DOCK5: variants seen among roughly 807,000 people sequenced by gnomAD.
The protein encoded by DOCK5 is dedicator of cytokinesis 5.
DOCK5 carries 142 observed loss-of-function variants against 251.8 expected under a neutral mutation model. That is an observed-to-expected ratio of 0.56 (90% CI 0.49 to 0.65). DOCK5 has a LOEUF of 0.65. Ranked by LOEUF, DOCK5 falls within the 30% of genes least tolerant of loss-of-function variation. The pLI, the probability that DOCK5 is intolerant of heterozygous loss-of-function variation, is 0.00. For missense variants in DOCK5, 2,111 were observed against 2,312.3 expected (o/e 0.91, Z 1.79); for synonymous variants, 842 against 835.5 (o/e 1.01, Z -0.13).
At chr8:25,361,553 G>T (rs529668830) in intron 28 of DOCK5, among the ~76,000 whole-genome samples, 2 of 152,196 alleles carry the variant, frequency 1.3e-5, no homozygotes, top group Non-Finnish European at 2.9e-5. Flanking sequence ...GGTGGAGGTT[G>T]CAGTAAGTCG....
chr8:25,332,962 G>A (rs1390198132), intron 20 of DOCK5, among the ~76,000 whole-genome samples: 1 of 152,086 alleles, frequency 6.6e-6, no homozygotes, highest in African/African-American at 2.4e-5. Context: ...TAGAAATCAG[G>A]AATCATTTTA....
rs149127621 is a variant in DOCK5 at position 25,409,070 on chromosome 8, C to T, written c.5404+130C>T. ...TGTAAAACTGGTTCAATTTCGTGTTCGTGTATTATACAGTTAGACTGGAGT... is the reference window on the plus strand; with the variant it reads ...TGTAAAACTGGTTCAATTTCGTGTTTGTGTATTATACAGTTAGACTGGAGT... On this transcript the variant is annotated intron_variant, in intron 50 of 51. Coordinates refer to ENST00000276440, the MANE Select transcript of DOCK5 (RefSeq NM_024940.8). 1,024 of 1,351,174 alleles carry T rather than the reference C, an allele frequency of 7.6e-4. 16 individuals carry two copies. In the East Asian group the frequency reaches 0.022, roughly 29 times the overall value. 83.7% of individuals were successfully genotyped at this position (1,351,174 alleles called of 1,614,324 possible). A position where few individuals can be genotyped will look rare whatever the true frequency, so the allele number is the denominator to read the frequency against.
intron 1 of DOCK5, among the ~76,000 whole-genome samples, chr8:25,206,810 A>G (rs1295405919): frequency 6.6e-6 from 1 of 152,242 alleles, no homozygotes; most frequent in Admixed American, 6.5e-5. Flanking sequence ...ATGTTTTGCC[A>G]CAGGGGCAAA....
At chr8:25,303,794 T>C (rs543099638) in intron 10 of DOCK5, among the ~76,000 whole-genome samples, 1 of 152,214 alleles carries the variant, frequency 6.6e-6, no homozygotes, top group Admixed American at 6.5e-5. Flanking sequence ...AAACTCTGTC[T>C]ATACTAAAAA....
At chr8:25,244,021 G>T (rs1014684424) in intron 2 of DOCK5, among the ~76,000 whole-genome samples, 2 of 152,140 alleles carry the variant, frequency 1.3e-5, no homozygotes, top group Non-Finnish European at 2.9e-5. Flanking sequence ...AGGCCACTTG[G>T]GCACAGAAGG....
At chr8:25,345,954 A>G (rs1198608994) in intron 26 of DOCK5, among the ~76,000 whole-genome samples, 1 of 151,872 alleles carries the variant, frequency 6.6e-6, no homozygotes, top group East Asian at 1.9e-4. Context: ...GGTTCACGCC[A>G]TTCTCCTGTC....
chr8:25,407,818 C>T (rs564420166), intron 48 of DOCK5, among the ~76,000 whole-genome samples, 165 bp from the exon 49 acceptor site: 84 of 146,772 alleles, frequency 5.7e-4, no homozygotes, highest in Non-Finnish European at 1.2e-3. Flanking sequence ...GAGATGTGAT[C>T]GCACCACTGC....
chr8:25,318,063 CTT>C (rs953260113), intron 14 of DOCK5, among the ~76,000 whole-genome samples: 2 of 150,582 alleles, frequency 1.3e-5, no homozygotes, highest in Non-Finnish European at 2.9e-5. Flanking sequence ...GCAGCTTTTT[CTT>C]TTCTTTTCTT....
chr8:25,397,502 G>T (rs1187071103), intron 45 of DOCK5, among the ~76,000 whole-genome samples: 4 of 152,134 alleles, frequency 2.6e-5, no homozygotes, highest in African/African-American at 9.7e-5. Flanking sequence ...ATTATACTCA[G>T]CAGCTGGGAA....
intron 28 of DOCK5, among the ~76,000 whole-genome samples, chr8:25,360,600 C>G (rs1800659874): frequency 6.6e-6 from 1 of 152,170 alleles, no homozygotes; most frequent in African/African-American, 2.4e-5. Flanking sequence ...GAACTTCAGT[C>G]TCCTCATCTG....
intron 5 of DOCK5, among the ~76,000 whole-genome samples, chr8:25,287,361 G>C (rs2874388): frequency 0.18 from 28,068 of 151,892 alleles, 2,977 homozygotes; most frequent in African/African-American, 0.27. Flanking sequence ...AGGAGGTGGA[G>C]GTTGCTGTGA....
At chr8:25,220,807 T>G (rs1802366834) in intron 1 of DOCK5, among the ~76,000 whole-genome samples, 1 of 152,222 alleles carries the variant, frequency 6.6e-6, no homozygotes, top group Non-Finnish European at 1.5e-5. Context: ...TTTCACCATG[T>G]TGGCCAGGCT....
At chr8:25,236,527 A>G (rs779663357) in intron 1 of DOCK5, among the ~76,000 whole-genome samples, 3 of 152,196 alleles carry the variant, frequency 2.0e-5, no homozygotes, top group African/African-American at 4.8e-5. Context: ...TATAGAATGC[A>G]TATCTGAAAC....
chr8:25,291,872 C>CAAAA (rs5890217), intron 5 of DOCK5, among the ~76,000 whole-genome samples, 152 bp from the exon 6 acceptor site: 2 of 114,440 alleles, frequency 1.7e-5, no homozygotes, highest in African/African-American at 6.9e-5. Flanking sequence ...GACTCCATCA[C>CAAAA]AAAAAAAAAA....
intron 29 of DOCK5, among the ~76,000 whole-genome samples, chr8:25,363,362 C>T (rs973646623): frequency 6.6e-6 from 1 of 152,170 alleles, no homozygotes; most frequent in Non-Finnish European, 1.5e-5. Context: ...TCTCTAGCGT[C>T]GTCTCTTCAG....
intron 14 of DOCK5, among the ~76,000 whole-genome samples, 187 bp from the exon 15 acceptor site, chr8:25,319,391 C>A (rs1287171561): frequency 2.0e-5 from 3 of 151,940 alleles, no homozygotes; most frequent in African/African-American, 4.8e-5. Flanking sequence ...TATTATAGAC[C>A]CTTGAATAAA....
intron 4 of DOCK5, among the ~76,000 whole-genome samples, chr8:25,277,952 G>A (rs1327710218): frequency 6.6e-6 from 1 of 152,114 alleles, no homozygotes; most frequent in African/African-American, 2.4e-5. Flanking sequence ...TCATAAAAAT[G>A]CCAGAGAGGA....
rs115625226 is a variant in DOCK5, at chr8:25,220,026, T to C, written c.44-23648T>C. ...TTCTTCTTCTTTTTTTTTTGTCTAT[T>C]GTCCTTCTCTTTGTTTCACAGACAT... On this transcript the variant is annotated intron_variant, in intron 1 of 51. Coordinates refer to ENST00000276440, the MANE Select transcript of DOCK5 (RefSeq NM_024940.8). Among the ~76,000 whole-genome samples the C allele has an allele frequency of 1.9e-3, 282 of 146,608 alleles. 1 individual carries two copies. Among genetic ancestry groups the C allele is most frequent in the African/African-American group, 7.0e-3 (275 of 39,322 alleles).
intron 47 of DOCK5, 89 bp from the exon 48 acceptor site, chr8:25,403,469 G>C: frequency 2.1e-6 from 3 of 1,428,430 alleles, no homozygotes; most frequent in Non-Finnish European, 2.9e-6. Flanking sequence ...GATGGGTACT[G>C]GTTAGCCACA....
Sources: gnomAD v4.1 joint callset for allele counts (sites outside exome capture counted in the v4.1 genomes callset) on GRCh38, gnomAD v4.1.1 for gene constraint, MANE v1.5 for transcripts, NCBI Gene and HGNC (gene_info 2026-07-23, HGNC 2026-07-21) for gene names.